The following ZNRF3 variants were observed in gnomAD, a reference collection of about 807,000 sequenced individuals.
ZNRF3 encodes the protein E3 ubiquitin-protein ligase ZNRF3.
In ZNRF3, 23 loss-of-function variants were observed where a neutral mutation model predicts 72.5. The ratio of observed to expected loss-of-function variants is 0.32; its 90% CI spans 0.23 to 0.45. The LOEUF (loss-of-function observed/expected upper bound fraction) is 0.45. Among genes scored for constraint, ZNRF3 ranks in the 20% least tolerant of loss-of-function variants. The probability of loss-of-function intolerance (pLI) is 1.00; values close to 1 mark genes in which losing one functional copy is unlikely to be tolerated. For missense variants in ZNRF3, 1,169 were observed against 1,272.1 expected, an observed-to-expected ratio of 0.92 and a Z score of 1.23; for synonymous variants, 610 against 545.3, an observed-to-expected ratio of 1.12 and a Z score of -1.65.
chr22:28,893,932 G>T (rs547490071), intron 1 of ZNRF3, among the ~76,000 whole-genome samples: 1 of 151,944 alleles, frequency 6.6e-6, no homozygotes, highest in East Asian at 1.9e-4. Flanking sequence ...CTACCAGGTC[G>T]CCATGTATGT....
intron 1 of ZNRF3, among the ~76,000 whole-genome samples, chr22:28,967,501 A>G (rs1416682418): frequency 6.6e-6 from 1 of 152,228 alleles, no homozygotes; most frequent in African/African-American, 2.4e-5. Context: ...GTGGACAGAA[A>G]AGAAAAGACT....
intron 1 of ZNRF3, among the ~76,000 whole-genome samples, chr22:28,983,463 C>T (rs1325136031): frequency 6.6e-6 from 1 of 152,212 alleles, no homozygotes; most frequent in East Asian, 1.9e-4. Context: ...CCCACTTCCA[C>T]CTCACTGGCT....
Position 29,053,638 on chromosome 22 carries a change from T to C in ZNRF3, c.*16T>C, listed in dbSNP as rs1217015538. ...GGGAGCCTGAGCTCAGGAGGAACTC[T>C]TACCTGGAAATTGGGAACTGTATGG... On this transcript the variant is annotated 3_prime_UTR_variant, in exon 9 of 9. Transcript: ENST00000544604. 3 of 1,611,624 alleles carry C rather than the reference T, an allele frequency of 1.9e-6. No individual in the cohort carries two copies. Among genetic ancestry groups the C allele is most frequent in the African/African-American group, 2.7e-5 (2 of 74,788 alleles).
intron 1 of ZNRF3, among the ~76,000 whole-genome samples, chr22:28,929,095 T>G (rs539557836): frequency 6.6e-6 from 1 of 152,366 alleles, no homozygotes; most frequent in East Asian, 1.9e-4. Flanking sequence ...GCTGTTTGAC[T>G]GCATAAGCAC....
At chr22:28,905,672 A>T (rs1212004532) in intron 1 of ZNRF3, among the ~76,000 whole-genome samples, 1 of 152,202 alleles carries the variant, frequency 6.6e-6, no homozygotes, top group Non-Finnish European at 1.5e-5. Context: ...GGCCTGGCAG[A>T]CAGAAGACCA....
chr22:29,020,008 T>TC (rs957859547), intron 2 of ZNRF3, among the ~76,000 whole-genome samples: 11 of 150,510 alleles, frequency 7.3e-5, no homozygotes, highest in Admixed American at 1.3e-4. Flanking sequence ...TTGCAAGACC[T>TC]CCCCCCCAAT....
intron 1 of ZNRF3, among the ~76,000 whole-genome samples, chr22:28,928,536 C>G (rs915737007): frequency 3.0e-5 from 4 of 134,240 alleles, no homozygotes; most frequent in Non-Finnish European, 6.2e-5. Context: ...CTCTGTCACT[C>G]AGGCTGGAGT....
At chr22:29,016,849 G>A (rs2036446677) in intron 2 of ZNRF3, among the ~76,000 whole-genome samples, 1 of 152,184 alleles carries the variant, frequency 6.6e-6, no homozygotes, top group African/African-American at 2.4e-5. Context: ...TGCCTGCCCA[G>A]TGGTGCACTA....
chr22:28,944,483 G>T (rs909978471), intron 1 of ZNRF3, among the ~76,000 whole-genome samples: 1 of 151,800 alleles, frequency 6.6e-6, no homozygotes, highest in African/African-American at 2.4e-5. Flanking sequence ...TGCCGGGTGC[G>T]GTGGCTCACG....
chr22:28,957,466 G>A (rs5752843), intron 1 of ZNRF3, among the ~76,000 whole-genome samples: 15,551 of 152,130 alleles, frequency 0.1, 1,084 homozygotes, highest in South Asian at 0.19. Flanking sequence ...TTGAGACAGA[G>A]TCTCGCCCTG....
chr22:28,897,190 C>A (rs2034013496), intron 1 of ZNRF3, among the ~76,000 whole-genome samples: 1 of 152,224 alleles, frequency 6.6e-6, no homozygotes, highest in Admixed American at 6.5e-5. Flanking sequence ...TTGCTTACTA[C>A]TGAGCTGTGT....
chr22:28,931,747 C>G (rs2034711486), intron 1 of ZNRF3, among the ~76,000 whole-genome samples: 1 of 152,194 alleles, frequency 6.6e-6, no homozygotes, highest in Admixed American at 6.5e-5. Context: ...AACCCCTGCC[C>G]TGTGGAGCCA....
At chr22:28,915,184 T>C (rs898773667) in intron 1 of ZNRF3, among the ~76,000 whole-genome samples, 1 of 152,250 alleles carries the variant, frequency 6.6e-6, no homozygotes, top group African/African-American at 2.4e-5. Flanking sequence ...TTACTCATGA[T>C]TCTGAAGGCT....
intron 2 of ZNRF3, among the ~76,000 whole-genome samples, chr22:29,010,818 C>T (rs2036335220): frequency 6.6e-6 from 1 of 152,108 alleles, no homozygotes; most frequent in Non-Finnish European, 1.5e-5. Flanking sequence ...TACAGGTGTC[C>T]ACCACCATGC....
At chr22:28,962,149 G>C (rs538307558) in intron 1 of ZNRF3, among the ~76,000 whole-genome samples, 1 of 152,150 alleles carries the variant, frequency 6.6e-6, no homozygotes, top group Non-Finnish European at 1.5e-5. Context: ...TTCAGTTCTC[G>C]GTTTGCATTT....
chr22:29,045,531 C>T (rs1219125647), intron 5 of ZNRF3, among the ~76,000 whole-genome samples: 1 of 152,154 alleles, frequency 6.6e-6, no homozygotes, highest in Non-Finnish European at 1.5e-5. Context: ...TTCTGTCACC[C>T]AGGCTGGAGT....
intron 2 of ZNRF3, among the ~76,000 whole-genome samples, chr22:29,000,553 G>A (rs1202431143): frequency 6.6e-6 from 1 of 152,010 alleles, no homozygotes; most frequent in Non-Finnish European, 1.5e-5. Flanking sequence ...TAACTGTAAA[G>A]GTGTAGTTAC....
intron 2 of ZNRF3, among the ~76,000 whole-genome samples, chr22:29,023,218 A>T (rs1384295982): frequency 6.6e-6 from 1 of 152,206 alleles, no homozygotes; most frequent in Non-Finnish European, 1.5e-5. Context: ...TTCCCAGAAA[A>T]CAAAAAATCT....
intron 1 of ZNRF3, among the ~76,000 whole-genome samples, chr22:28,885,862 A>G (rs1274722846): frequency 1.3e-5 from 2 of 152,114 alleles, no homozygotes; most frequent in Non-Finnish European, 2.9e-5. Flanking sequence ...ATTTGGCAGA[A>G]GGAATCTATT....
Sources: allele counts gnomAD v4.1 joint callset (sites outside exome capture counted in the v4.1 genomes callset), GRCh38; gene constraint gnomAD v4.1.1; transcripts MANE v1.5; gene names NCBI Gene and HGNC (gene_info 2026-07-23, HGNC 2026-07-21).